The following ROBO2 variants were observed in gnomAD, a reference collection of about 807,000 sequenced individuals.
ROBO2 encodes the protein roundabout homolog 2.
ROBO2 carries 53 observed loss-of-function variants against 160.8 expected under a neutral mutation model. The ratio of observed to expected loss-of-function variants is 0.33; its 90% CI spans 0.26 to 0.41. The LOEUF (loss-of-function observed/expected upper bound fraction) is 0.41, where lower values mean the gene tolerates loss of function less well. Ranked by LOEUF, ROBO2 falls within the 10% of genes least tolerant of loss-of-function variation. The pLI, the probability that ROBO2 is intolerant of heterozygous loss-of-function variation, is 1.00. For synonymous variants in ROBO2, 664 were observed against 611.7 expected (o/e 1.09, Z -1.26); for missense variants, 1,577 against 1,722.4 (o/e 0.92, Z 1.49).
At chr3:76,885,005 G>A (rs376831700) in intron 2 of ROBO2, among the ~76,000 whole-genome samples, 3 of 151,992 alleles carry the variant, frequency 2.0e-5, no homozygotes, top group Admixed American at 6.6e-5. Flanking sequence ...GATTCAACTC[G>A]ATTAAATAAA....
intron 16 of ROBO2, among the ~76,000 whole-genome samples, chr3:77,580,973 T>C (rs1036315981): frequency 6.6e-6 from 1 of 152,168 alleles, no homozygotes; most frequent in African/African-American, 2.4e-5. Flanking sequence ...AAATGACTTC[T>C]AGTTGCCCTA....
At chr3:76,880,627 T>C (rs113234009) in intron 2 of ROBO2, among the ~76,000 whole-genome samples, 5 of 152,192 alleles carry the variant, frequency 3.3e-5, no homozygotes, top group African/African-American at 1.2e-4. Context: ...AATTTAGACA[T>C]GATTTTAATG....
At chr3:76,214,113 C>T (rs1490084776) in intron 2 of ROBO2, among the ~76,000 whole-genome samples, 1 of 152,116 alleles carries the variant, frequency 6.6e-6, no homozygotes, top group Non-Finnish European at 1.5e-5. Flanking sequence ...CAATCCACCC[C>T]TTGTCAATTT....
At chr3:77,537,672 G>A (rs2092211949) in intron 6 of ROBO2, among the ~76,000 whole-genome samples, 1 of 152,140 alleles carries the variant, frequency 6.6e-6, no homozygotes, top group Non-Finnish European at 1.5e-5. Flanking sequence ...TACTAATAAG[G>A]ACATACCCAA....
intron 2 of ROBO2, among the ~76,000 whole-genome samples, chr3:76,825,781 C>T (rs62261810): frequency 0.13 from 19,135 of 151,864 alleles, 1,335 homozygotes; most frequent in East Asian, 0.24. Context: ...CTTTGGAAGG[C>T]AATTTACTTA....
intron 2 of ROBO2, among the ~76,000 whole-genome samples, chr3:75,955,078 G>A (rs1948676041): frequency 6.6e-6 from 1 of 151,708 alleles, no homozygotes; most frequent in Admixed American, 6.6e-5. Context: ...TGCCATCTAT[G>A]TAGTTTGTTT....
At chr3:76,961,260 A>AC in intron 2 of ROBO2, among the ~76,000 whole-genome samples, 1 of 151,904 alleles carries the variant, frequency 6.6e-6, no homozygotes, top group Middle Eastern at 3.4e-3. Flanking sequence ...AAAAAAAAAA[A>AC]AAAAAAAACA....
At chr3:76,355,040 GTGTA>G (rs929607591) in intron 2 of ROBO2, among the ~76,000 whole-genome samples, 2 of 151,450 alleles carry the variant, frequency 1.3e-5, no homozygotes, top group African/African-American at 4.8e-5. Context: ...GTATGTGTAT[GTGTA>G]TGTGTGTGTG....
At chr3:76,950,780 G>A (rs1350979928) in intron 2 of ROBO2, among the ~76,000 whole-genome samples, 3 of 152,190 alleles carry the variant, frequency 2.0e-5, no homozygotes, top group Non-Finnish European at 4.4e-5. Context: ...AGGCTGGAGT[G>A]CAGTTGTGCA....
intron 2 of ROBO2, among the ~76,000 whole-genome samples, chr3:76,940,042 C>T (rs1463922567): frequency 3.7e-5 from 5 of 136,782 alleles, no homozygotes; most frequent in African/African-American, 1.2e-4. Context: ...GGTGCGGTGG[C>T]GCTACCTCGG....
At chr3:76,907,647 G>A (rs2075692663) in intron 2 of ROBO2, among the ~76,000 whole-genome samples, 1 of 152,128 alleles carries the variant, frequency 6.6e-6, no homozygotes, top group African/African-American at 2.4e-5. Flanking sequence ...AATATTTTTA[G>A]GGGGTGCCCA....
At chr3:76,050,950 A>G (rs1414719481) in intron 2 of ROBO2, among the ~76,000 whole-genome samples, 1 of 152,212 alleles carries the variant, frequency 6.6e-6, no homozygotes, top group African/African-American at 2.4e-5. Context: ...TTGCCTGCCC[A>G]TATTTTAAAT....
intron 2 of ROBO2, among the ~76,000 whole-genome samples, chr3:76,619,209 G>A (rs1198341456): frequency 6.6e-6 from 1 of 151,398 alleles, no homozygotes; most frequent in Non-Finnish European, 1.5e-5. Context: ...GCGTGGTAGC[G>A]GGCGCCTGTA....
intron 2 of ROBO2, among the ~76,000 whole-genome samples, chr3:76,530,541 T>C (rs1289374187): frequency 6.6e-6 from 1 of 152,176 alleles, no homozygotes. Context: ...AATTTATTCT[T>C]TGGTTGACCT....
intron 2 of ROBO2, among the ~76,000 whole-genome samples, chr3:77,111,075 A>G (rs556900130): frequency 6.6e-6 from 1 of 152,338 alleles, no homozygotes; most frequent in East Asian, 1.9e-4. Flanking sequence ...GCATTAACCA[A>G]AAGACAAAAT....
chr3:76,717,491 C>CA lies in ROBO2; in HGVS notation c.110-380508dup, dbSNP rs538321640. Reference sequence around the variant, plus strand: ...GGGCGACAGAGTGAGACCCTGTCTCCAAAAAAAAAAAAAAAGAAAAAAGAA... The same window carrying CA: ...GGGCGACAGAGTGAGACCCTGTCTCCAAAAAAAAAAAAAAAAGAAAAAAGAA... On this transcript the variant is annotated intron_variant, in intron 2 of 26. Transcript: ENST00000487694. Among the ~76,000 whole-genome samples, 606 of 72,940 alleles carry CA rather than the reference C, an allele frequency of 8.3e-3. 5 individuals are homozygous for CA. Among genetic ancestry groups the CA allele is most frequent in the East Asian group, 0.067 (168 of 2,494 alleles). The allele number at this position is 72,940 out of a possible 152,430, so 47.9% of individuals were successfully genotyped here.
intron 21 of ROBO2, among the ~76,000 whole-genome samples, chr3:77,610,399 C>A (rs984100644): frequency 6.6e-6 from 1 of 152,050 alleles, no homozygotes; most frequent in Non-Finnish European, 1.5e-5. Context: ...CACACAAACA[C>A]ACACAATTTT....
chr3:76,710,495 ATTTG>A (rs1409392392), intron 2 of ROBO2, among the ~76,000 whole-genome samples: 12 of 152,160 alleles, frequency 7.9e-5, no homozygotes, highest in Admixed American at 5.2e-4. Flanking sequence ...ACTAGTAGTA[ATTTG>A]TTTGGCCAAT....
At chr3:76,078,780 A>G (rs961492579) in intron 2 of ROBO2, among the ~76,000 whole-genome samples, 1 of 152,222 alleles carries the variant, frequency 6.6e-6, no homozygotes, top group African/African-American at 2.4e-5. Context: ...AGTAGATAAT[A>G]TATAATAAAA....
Sources: allele counts gnomAD v4.1 joint callset (sites outside exome capture counted in the v4.1 genomes callset), GRCh38; gene constraint gnomAD v4.1.1; transcripts MANE v1.5; gene names NCBI Gene and HGNC (gene_info 2026-07-23, HGNC 2026-07-21).